Variants in HBS1L observed in about 807,000 individuals in gnomAD.
HBS1L encodes HBS1 like translational GTPase, also known as HBS1-like protein.
HBS1L carries 55 observed loss-of-function variants against 88.9 expected under a neutral mutation model. That is an observed-to-expected ratio of 0.62 (90% CI 0.50 to 0.77). The LOEUF is 0.77. HBS1L is among the 30% of genes least tolerant of loss of function. HBS1L has a pLI of 0.00. For synonymous variants in HBS1L, 267 were observed against 288.5 expected (o/e 0.93, Z 0.76); for missense variants, 741 against 829.3 (o/e 0.89, Z 1.31).
Position 135,002,760 on chromosome 6 carries a change from CT to C in HBS1L, c.512del (p.Lys171SerfsTer65). 6.2e-7 allele frequency: 1 copy of C among 1,612,692 alleles called. No homozygotes were observed. Among genetic ancestry groups the C allele is most frequent in the Non-Finnish European group, 8.5e-7 (1 of 1,178,914 alleles). Reference protein sequence around the residue: ...KVAKMTVSGKKQTMGFEVPGV... With the variant: ...KVAKMTVSGKXQTMGFEVPGV... ...CAGGCACTTCAAATCCCATAGTTTGCTTCTTTCCAGATACAGTCATTTTAGC... is the reference window on the plus strand; with the variant it reads ...CAGGCACTTCAAATCCCATAGTTTGCTCTTTCCAGATACAGTCATTTTAGC... On this transcript the variant is annotated frameshift_variant, in exon 5 of 18. Coordinates refer to ENST00000367837, the MANE Select transcript of HBS1L (RefSeq NM_006620.4). LOFTEE classifies it high-confidence loss of function.
At chr6:134,971,054 TAGATG>T (rs1389555215) in intron 15 of HBS1L, among the ~76,000 whole-genome samples, 2 of 151,186 alleles carry the variant, frequency 1.3e-5, no homozygotes, top group Middle Eastern at 3.4e-3. Context: ...AGGGGGGCTG[TAGATG>T]TACAATCTTA....
chr6:135,038,252 G>A (rs116803418), intron 4 of HBS1L, among the ~76,000 whole-genome samples: 53 of 152,124 alleles, frequency 3.5e-4, no homozygotes, highest in Middle Eastern at 3.4e-3. Context: ...TTTATACTCT[G>A]TTCACTGATA....
chr6:135,004,136 T>C (rs1003733343), intron 4 of HBS1L, among the ~76,000 whole-genome samples: 1 of 152,072 alleles, frequency 6.6e-6, no homozygotes, highest in South Asian at 2.1e-4. Context: ...ATAAAATTCA[T>C]TTAAAATGTT....
chr6:134,998,083 TC>T (rs1372827603), intron 5 of HBS1L, among the ~76,000 whole-genome samples: 1 of 152,330 alleles, frequency 6.6e-6, no homozygotes. Flanking sequence ...AGACTTATGA[TC>T]TTTTTTACTC....
chr6:134,996,699 C>T (rs1775297602), intron 7 of HBS1L, 78 bp downstream of exon 7: 2 of 1,008,402 alleles, frequency 2.0e-6, no homozygotes, highest in South Asian at 4.4e-5. Flanking sequence ...ATATGTTTTA[C>T]AAATTCAACA....
chr6:135,028,101 T>C (rs559143584), intron 4 of HBS1L, among the ~76,000 whole-genome samples: 2 of 152,128 alleles, frequency 1.3e-5, no homozygotes, highest in East Asian at 3.9e-4. Context: ...AATGCATGTA[T>C]GTTAAATATT....
At chr6:135,000,621 A>G (rs1462645888) in intron 5 of HBS1L, among the ~76,000 whole-genome samples, 3 of 151,932 alleles carry the variant, frequency 2.0e-5, no homozygotes, top group Admixed American at 6.6e-5. Context: ...TTTCCTTCCA[A>G]GCAATGCATT....
intron 8 of HBS1L, 129 bp downstream of exon 8, chr6:134,993,629 C>A (rs1046807264): frequency 4.7e-6 from 2 of 429,976 alleles, no homozygotes; most frequent in South Asian, 9.6e-5. Flanking sequence ...TTTGTTCAAG[C>A]TTTATAAAGG....
At position 135,012,798 on chromosome 6, in the gene HBS1L, T is replaced by C. The variant is rs373269547; in HGVS notation, c.431-9956A>G. On this transcript the variant is annotated intron_variant, in intron 4 of 17. Transcript: ENST00000367837. ...TCATGAAAATTATACTTTAATTTTA[T>C]TGTGCCAAGATTTGTGATTATTAAC... Among the ~76,000 whole-genome samples, 43 of 152,332 alleles carry C rather than the reference T, an allele frequency of 2.8e-4. No homozygotes were observed. The South Asian group carries it at 2.9e-3, about 10-fold the overall frequency.
intron 7 of HBS1L, 87 bp downstream of exon 7, chr6:134,996,690 T>C (rs1775297290): frequency 4.2e-6 from 4 of 944,170 alleles, no homozygotes; most frequent in Non-Finnish European, 6.1e-6. Flanking sequence ...AAGTATTTCA[T>C]ATGTTTTACA....
chr6:134,983,797 G>A (rs1242496876), intron 12 of HBS1L, among the ~76,000 whole-genome samples: 1 of 152,126 alleles, frequency 6.6e-6, no homozygotes, highest in Non-Finnish European at 1.5e-5. Context: ...GAAGAGGACT[G>A]AGGCAGCAGA....
intron 7 of HBS1L, among the ~76,000 whole-genome samples, chr6:134,995,905 A>C (rs1775276052): frequency 6.6e-6 from 1 of 152,112 alleles, no homozygotes; most frequent in African/African-American, 2.4e-5. Flanking sequence ...GACCTGCTTT[A>C]CAGAGCGTTA....
Position 135,050,626 on chromosome 6 carries a change from T to C in HBS1L, c.65A>G (p.Tyr22Cys), listed in dbSNP as rs746200742. The C allele has an allele frequency of 1.9e-6, 3 of 1,593,624 alleles. No homozygotes were observed. The highest frequency in any genetic ancestry group is 2.6e-6 in the Non-Finnish European group (3 of 1,168,550). The change falls in exon 2 of 18, where the codon TAC becomes TGC. Residue 22 changes from tyrosine to cysteine, a missense_variant. Tyr to Cys is a radical substitution (Grantham distance 194, BLOSUM62 -2). Around this residue, in one of 3 missense-constraint regions of HBS1L, gnomAD observed 556 missense variants for 598.4 expected, o/e 0.93. Coordinates refer to ENST00000367837, the MANE Select transcript of HBS1L (RefSeq NM_006620.4). ...ATAATCATCCTCTACAGACTGGCCGTAGAGATCATCATCTTCAAAATCTAA... is the reference window on the plus strand; with the variant it reads ...ATAATCATCCTCTACAGACTGGCCGCAGAGATCATCATCTTCAAAATCTAA... ...YDEDFEDDDLYGQSVEDDYCI... is the reference protein window; with the variant it reads ...YDEDFEDDDLCGQSVEDDYCI...
intron 2 of HBS1L, among the ~76,000 whole-genome samples, chr6:135,044,741 G>C (rs529927964): frequency 1.3e-5 from 2 of 152,072 alleles, no homozygotes; most frequent in Non-Finnish European, 2.9e-5. Context: ...ATTCAGTTTC[G>C]TCTAAAAGTA....
rs1774248660 is a variant in HBS1L at position 134,964,226 on chromosome 6, A to G, written c.*1053T>C. The G allele has an allele frequency of 6.6e-6, 1 of 152,204 alleles. No homozygotes were observed. Among genetic ancestry groups the G allele is most frequent in the Non-Finnish European group, 1.5e-5 (1 of 68,042 alleles). The allele number at this position is 152,204 out of a possible 1,614,324, so 9.4% of individuals were successfully genotyped here. A position where few individuals can be genotyped will look rare whatever the true frequency, so the allele number is the denominator to read the frequency against. On this transcript the variant is annotated 3_prime_UTR_variant, in exon 18 of 18. Coordinates refer to ENST00000367837, the MANE Select transcript of HBS1L (RefSeq NM_006620.4). ...TATCATAAACAGTCTATCAGATCAG[A>G]GTTCCAGGTTCAGCTGAGGTCAAAA... is the stretch of plus-strand genomic sequence containing the variant.
chr6:135,000,212 T>C (rs1482384681), intron 5 of HBS1L, among the ~76,000 whole-genome samples: 2 of 141,800 alleles, frequency 1.4e-5, no homozygotes, highest in Non-Finnish European at 3.0e-5. Context: ...AGCACCACTA[T>C]ACCCAGCTAA....
At chr6:134,979,934 A>G (rs1057134192) in intron 13 of HBS1L, among the ~76,000 whole-genome samples, 2 of 152,184 alleles carry the variant, frequency 1.3e-5, no homozygotes, top group African/African-American at 2.4e-5. Flanking sequence ...GTGTTGCTAT[A>G]TATCTAGAGA....
At chr6:134,994,013 A>C in intron 7 of HBS1L, 138 bp from the exon 8 acceptor site, 1 of 420,568 alleles carries the variant, frequency 2.4e-6, no homozygotes, top group Non-Finnish European at 4.2e-6. Context: ...TTGAATAATT[A>C]AATTATCAAT....
Position 134,979,224 on chromosome 6 carries a change from C to T in HBS1L, c.1642G>A (p.Asp548Asn), listed in dbSNP as rs149840137. ...CCAACCAAAGTAAGACTAACATGATCGCCTGCTGCCGCCCAGTCGACAGGT... is the reference window on the plus strand; with the variant it reads ...CCAACCAAAGTAAGACTAACATGATTGCCTGCTGCCGCCCAGTCGACAGGT... Reference protein sequence around the residue: ...DEPVDWAAAGDHVSLTLVGMD... With the variant: ...DEPVDWAAAGNHVSLTLVGMD... Residue 548 changes from aspartate to asparagine, a missense_variant, in exon 14 of 18, where the codon GAT (aspartate) becomes AAT (asparagine). Physicochemically the swap from Asp to Asn is conservative, Grantham distance 23. This residue lies in a region of HBS1L where 181 missense variants were observed against 212.7 expected (regional missense o/e 0.85). Coordinates refer to ENST00000367837, the MANE Select transcript of HBS1L (RefSeq NM_006620.4). 1.8e-4 allele frequency: 290 copies of T among 1,612,044 alleles called. No homozygotes were observed. Among genetic ancestry groups the T allele is most frequent in the Middle Eastern group, 1.6e-4 (1 of 6,072 alleles).
Sources: gnomAD v4.1 joint callset for allele counts (sites outside exome capture counted in the v4.1 genomes callset) on GRCh38, gnomAD v4.1.1 for gene constraint, gnomAD v4.1.1 regional missense constraint, MANE v1.5 for transcripts, NCBI Gene and HGNC (gene_info 2026-07-23, HGNC 2026-07-21) for gene names.